The following DLG5 variants were observed in gnomAD, a reference collection of about 807,000 sequenced individuals.
DLG5 encodes the protein disks large homolog 5.
A neutral mutation model predicts 189.8 loss-of-function variants in DLG5; 48 were observed. The observed-to-expected ratio is 0.25, with a 90% CI of 0.20 to 0.32. The LOEUF (loss-of-function observed/expected upper bound fraction) is 0.32, where lower values mean the gene tolerates loss of function less well. Among genes scored for constraint, DLG5 ranks in the 10% least tolerant of loss-of-function variants. The pLI is 1.00. For missense variants in DLG5, 2,160 were observed against 2,544.7 expected (o/e 0.85, Z 3.25); for synonymous variants, 1,016 against 1,054.1 (o/e 0.96, Z 0.70).
intron 1 of DLG5, among the ~76,000 whole-genome samples, chr10:77,897,968 C>A (rs147925900): frequency 1.3e-5 from 2 of 152,152 alleles, no homozygotes; most frequent in Non-Finnish European, 2.9e-5. Context: ...GATAGCATAG[C>A]CCCTGAGGCT....
At chr10:77,804,769 T>C (rs11816475) in intron 27 of DLG5, among the ~76,000 whole-genome samples, 2,234 of 152,310 alleles carry the variant, frequency 0.015, 61 homozygotes, top group African/African-American at 0.05. Flanking sequence ...AACACAGGAC[T>C]GAGGCCAGAA....
intron 2 of DLG5, among the ~76,000 whole-genome samples, chr10:77,866,260 C>CGAGA (rs1368098566): frequency 1.1e-4 from 17 of 152,194 alleles, no homozygotes; most frequent in African/African-American, 4.1e-4. Flanking sequence ...GTTCCCTTCT[C>CGAGA]AGGGATGAGG....
intron 1 of DLG5, among the ~76,000 whole-genome samples, chr10:77,901,262 C>T (rs1845919108): frequency 6.6e-6 from 1 of 152,208 alleles, no homozygotes; most frequent in Non-Finnish European, 1.5e-5. Context: ...ACCATTCATC[C>T]TGACTACTAC....
Position 77,807,939 on chromosome 10 carries a change from G to A in DLG5, c.4653C>T (p.Gly1551=). The A allele has an allele frequency of 6.2e-7, 1 of 1,614,134 alleles. No individual in the cohort carries two copies. The highest frequency in any genetic ancestry group is 8.5e-7 in the Non-Finnish European group (1 of 1,180,014). The part of the protein sequence containing the change: ...LVPGDLILEY[G]SLDVRNKTVE... ...CTGTCTTGTTCCGCACGTCCAGGCT[G>A]CCATACTGCCAGGGATGGGGGTGGA... is the stretch of plus-strand genomic sequence containing the variant. Residue 1551 remains glycine (G), a synonymous_variant, in exon 25 of 32, where the codon GGC becomes GGT. Coordinates refer to ENST00000372391, the MANE Select transcript of DLG5 (RefSeq NM_004747.4).
At chr10:77,932,838 C>T in the DLG5 span, among the ~76,000 whole-genome samples, 4 of 152,314 alleles carry the variant, frequency 2.6e-5, no homozygotes, top group South Asian at 6.2e-4. Flanking sequence ...GCCTACCAGG[C>T]CCCACTGCTC....
At chr10:77,835,291 C>A (rs922713884) in intron 8 of DLG5, among the ~76,000 whole-genome samples, 3 of 152,160 alleles carry the variant, frequency 2.0e-5, no homozygotes, top group Admixed American at 2.0e-4. Context: ...CCCCACAGCC[C>A]TAGAGCTCAG....
intron 1 of DLG5, among the ~76,000 whole-genome samples, chr10:77,882,386 T>C (rs1428857449): frequency 1.3e-5 from 2 of 152,190 alleles, no homozygotes; most frequent in African/African-American, 2.4e-5. Flanking sequence ...AAATACTGGA[T>C]GCTGAAAGTG....
intron 2 of DLG5, among the ~76,000 whole-genome samples, chr10:77,861,242 A>G (rs1047171045): frequency 2.0e-5 from 3 of 152,196 alleles, no homozygotes; most frequent in African/African-American, 7.2e-5. Flanking sequence ...CTCTGAAAGG[A>G]CCTCAGGGAC....
chr10:77,886,347 G>A (rs541564572), intron 1 of DLG5, among the ~76,000 whole-genome samples: 7 of 150,276 alleles, frequency 4.7e-5, no homozygotes, highest in African/African-American at 1.2e-4. Flanking sequence ...TTAGGGTACC[G>A]TTGTCACTAG....
intron 24 of DLG5, among the ~76,000 whole-genome samples, chr10:77,809,037 T>C (rs1841620588): frequency 1.3e-5 from 2 of 150,916 alleles, no homozygotes; most frequent in African/African-American, 4.9e-5. Context: ...AGGCGGAGGT[T>C]GTGGTGAGTT....
intron 20 of DLG5, 39 bp from the exon 21 acceptor site, chr10:77,812,416 AC>A: frequency 1.9e-6 from 3 of 1,594,754 alleles, no homozygotes; most frequent in Non-Finnish European, 2.6e-6. Flanking sequence ...TCAGGGTCAA[AC>A]AAAAGGGTTG....
upstream of DLG5, chr10:77,926,908 C>T (rs747088793): frequency 2.8e-6 from 1 of 350,994 alleles, no homozygotes; most frequent in Admixed American, 3.2e-5. This position sits in a 1 kb window ranked among gnomAD's most constrained non-coding sequence, Gnocchi z 5.2. Context: ...AAACTCGCCC[C>T]GAAAGCCGGG....
At chr10:77,904,501 C>G (rs1309941716) in intron 1 of DLG5, among the ~76,000 whole-genome samples, 1 of 152,124 alleles carries the variant, frequency 6.6e-6, no homozygotes, top group Non-Finnish European at 1.5e-5. Context: ...CAAATCTCAA[C>G]TGAATTATAT....
chr10:77,846,412 C>T (rs1409793032), intron 5 of DLG5, among the ~76,000 whole-genome samples: 1 of 151,430 alleles, frequency 6.6e-6, no homozygotes, highest in African/African-American at 2.4e-5. Context: ...TTAAAAATTA[C>T]TTCAGGCCGG....
intron 1 of DLG5, among the ~76,000 whole-genome samples, chr10:77,902,867 AAATAAAAAAAT>A (rs1845969503): frequency 1.1e-5 from 1 of 93,256 alleles, no homozygotes; most frequent in Admixed American, 1.1e-4. Context: ...CTCAAAAAAT[AAATAAAAAAAT>A]AAATAAATAA....
At chr10:77,850,654 G>T (rs1843924733) in intron 5 of DLG5, among the ~76,000 whole-genome samples, 2 of 152,202 alleles carry the variant, frequency 1.3e-5, no homozygotes, top group African/African-American at 4.8e-5. Context: ...ACATATGCAG[G>T]TCCCAATTTC....
chr10:77,846,162 T>G (rs1296299040), intron 5 of DLG5, among the ~76,000 whole-genome samples: 2 of 151,736 alleles, frequency 1.3e-5, no homozygotes, highest in Non-Finnish European at 2.9e-5. Context: ...GGAGAATTGC[T>G]TGAACCCAGG....
At chr10:77,932,914 A>G in the DLG5 span, among the ~76,000 whole-genome samples, 1 of 152,222 alleles carries the variant, frequency 6.6e-6, no homozygotes, top group African/African-American at 2.4e-5. Context: ...CAAACAGGGT[A>G]ACATAGTGAG....
chr10:77,926,940 A>G, upstream of DLG5: 1 of 374,846 alleles, frequency 2.7e-6, no homozygotes, highest in South Asian at 1.8e-5. This position sits in a 1 kb window ranked among gnomAD's most constrained non-coding sequence, Gnocchi z 5.2. Flanking sequence ...CCCCAGAGCA[A>G]GACTACAACT....
Sources: allele counts gnomAD v4.1 joint callset (sites outside exome capture counted in the v4.1 genomes callset), GRCh38; gene constraint gnomAD v4.1.1; non-coding constraint Gnocchi (gnomAD v3.1); transcripts MANE v1.5; gene names NCBI Gene and HGNC (gene_info 2026-07-23, HGNC 2026-07-21).